Variants in ANKRD45 observed in about 807,000 individuals in gnomAD.
The protein encoded by ANKRD45 is ankyrin repeat domain 45, also known as ankyrin repeat domain-containing protein 45.
In ANKRD45, 21 loss-of-function variants were observed where a neutral mutation model predicts 28.1. That is an observed-to-expected ratio of 0.75 (90% confidence interval 0.53 to 1.08). ANKRD45 has a LOEUF of 1.08. ANKRD45 is among the 50% of genes least tolerant of loss of function. The pLI is 0.00. For synonymous variants in ANKRD45, 86 were observed against 103.9 expected (o/e 0.83, Z 1.05); for missense variants, 261 against 308.7 (o/e 0.85, Z 1.16).
intron 1 of ANKRD45, among the ~76,000 whole-genome samples, chr1:173,665,971 G>A (rs990351865): frequency 5.9e-5 from 9 of 152,140 alleles, no homozygotes; most frequent in South Asian, 2.1e-4. Flanking sequence ...CTATGATCAC[G>A]CCACTGCACT....
intron 3 of ANKRD45, 42 bp downstream of exon 3, chr1:173,646,804 A>C: frequency 6.3e-7 from 1 of 1,589,508 alleles, no homozygotes; most frequent in Non-Finnish European, 8.6e-7. Flanking sequence ...AGAAAAACTC[A>C]TCACATCAGT....
chr1:173,671,582 A>G (rs1180982502), upstream of ANKRD45, among the ~76,000 whole-genome samples: 1 of 151,676 alleles, frequency 6.6e-6, no homozygotes, highest in Admixed American at 6.6e-5. Context: ...ACCATATAAA[A>G]CCCTAAGGCC....
chr1:173,636,425 C>A (rs1007594428), intron 3 of ANKRD45, among the ~76,000 whole-genome samples: 1 of 152,140 alleles, frequency 6.6e-6, no homozygotes, highest in African/African-American at 2.4e-5. Context: ...CAAACAAAAC[C>A]TCATTGACCT....
At chr1:173,632,986 G>T (rs1295772073) in intron 3 of ANKRD45, among the ~76,000 whole-genome samples, 1 of 151,854 alleles carries the variant, frequency 6.6e-6, no homozygotes, top group Non-Finnish European at 1.5e-5. Flanking sequence ...TATAGTGTTG[G>T]AAGTCTTACC....
upstream of ANKRD45, among the ~76,000 whole-genome samples, chr1:173,674,029 T>G (rs1027988990): frequency 6.6e-6 from 1 of 151,988 alleles, no homozygotes; most frequent in Non-Finnish European, 1.5e-5. Flanking sequence ...TTTTTCTAGA[T>G]ATAGCATCTT....
chr1:173,636,433 C>G (rs749022565), intron 3 of ANKRD45, among the ~76,000 whole-genome samples: 2 of 152,124 alleles, frequency 1.3e-5, no homozygotes, highest in Non-Finnish European at 2.9e-5. Context: ...ACCTCATTGA[C>G]CTTCAGAAGA....
At chr1:173,611,733 G>C (rs916323069) in intron 5 of ANKRD45, among the ~76,000 whole-genome samples, 8 of 152,018 alleles carry the variant, frequency 5.3e-5, no homozygotes, top group African/African-American at 1.9e-4. Context: ...ATTGGCAATG[G>C]TTTCTTAGGT....
At chr1:173,631,579 C>T (rs6700712) in intron 3 of ANKRD45, among the ~76,000 whole-genome samples, 25,827 of 151,900 alleles carry the variant, frequency 0.17, 7,310 homozygotes, top group African/African-American at 0.59. Context: ...ACAGACCTTA[C>T]GTTAGGCCAC....
intron 3 of ANKRD45, among the ~76,000 whole-genome samples, chr1:173,633,745 A>G (rs913123971): frequency 5.1e-4 from 77 of 152,116 alleles, no homozygotes; most frequent in Middle Eastern, 3.4e-3. Flanking sequence ...GGGAAAGGAC[A>G]GTCTCTTCAA....
intron 1 of ANKRD45, among the ~76,000 whole-genome samples, chr1:173,660,212 T>C (rs1239061723): frequency 1.3e-5 from 2 of 152,098 alleles, no homozygotes; most frequent in Non-Finnish European, 2.9e-5. Flanking sequence ...TAACTAAGGA[T>C]GTCTTAATGG....
chr1:173,615,406 G>GC (rs1667421102), intron 5 of ANKRD45, among the ~76,000 whole-genome samples: 1 of 140,998 alleles, frequency 7.1e-6, no homozygotes, highest in South Asian at 2.2e-4. Flanking sequence ...AAAAAAAAAT[G>GC]CCCCCCAAGT....
At chr1:173,678,120 A>C in the ANKRD45 span, among the ~76,000 whole-genome samples, 6 of 152,198 alleles carry the variant, frequency 3.9e-5, no homozygotes, top group Non-Finnish European at 8.8e-5. Flanking sequence ...ACACAGATTC[A>C]CAGTCAAATA....
rs377434349 is a variant in ANKRD45, at chr1:173,640,797, G to T, written c.496+6049C>A. On this transcript the variant is annotated intron_variant, in intron 3 of 5. Coordinates refer to ENST00000333279, the MANE Select transcript of ANKRD45 (RefSeq NM_198493.3). ...ACCAATTGTCTGCTCCTACAGCCTG[G>T]CAACCTTGCAGTAGCTGGAACTATG... Among the ~76,000 whole-genome samples, 127 of 152,294 alleles carry T rather than the reference G, an allele frequency of 8.3e-4. 1 individual carries two copies. The highest frequency in any genetic ancestry group is 3.0e-3 in the African/African-American group (123 of 41,560).
intron 1 of ANKRD45, among the ~76,000 whole-genome samples, chr1:173,663,054 A>AACACACACACACACACACACAC (rs60072209): frequency 1.4e-5 from 2 of 140,348 alleles, no homozygotes; most frequent in African/African-American, 5.2e-5. Context: ...CCACCCTTCC[A>AACACACACACACACACACACAC]ACACACACAC....
the ANKRD45 span, among the ~76,000 whole-genome samples, chr1:173,687,163 T>C: frequency 6.6e-6 from 1 of 152,346 alleles, no homozygotes; most frequent in East Asian, 1.9e-4. Flanking sequence ...TCCACATTCT[T>C]ATGCATCCTT....
intron 2 of ANKRD45, among the ~76,000 whole-genome samples, chr1:173,647,609 AGATT>A (rs1232322460): frequency 2.0e-5 from 3 of 152,212 alleles, no homozygotes; most frequent in Non-Finnish European, 2.9e-5. Flanking sequence ...AATATTTTTC[AGATT>A]GATTTTTTAA....
chr1:173,683,186 T>G, the ANKRD45 span, among the ~76,000 whole-genome samples: 3 of 152,134 alleles, frequency 2.0e-5, no homozygotes, highest in African/African-American at 7.2e-5. Context: ...CTGAGCACTC[T>G]AATGGTAAGG....
chr1:173,634,982 G>A (rs1668361585), intron 3 of ANKRD45, among the ~76,000 whole-genome samples: 1 of 152,034 alleles, frequency 6.6e-6, no homozygotes, highest in African/African-American at 2.4e-5. Flanking sequence ...GCTGGGTTAT[G>A]TGAAGTGGTA....
chr1:173,701,914 AATAAT>A, the ANKRD45 span, among the ~76,000 whole-genome samples: 8 of 148,108 alleles, frequency 5.4e-5, no homozygotes, highest in Non-Finnish European at 8.8e-5. Context: ...AGCTCACAAT[AATAAT>A]ATAAGATAGA....
Sources: gnomAD v4.1 joint callset for allele counts (sites outside exome capture counted in the v4.1 genomes callset) on GRCh38, gnomAD v4.1.1 for gene constraint, MANE v1.5 for transcripts, NCBI Gene and HGNC (gene_info 2026-07-23, HGNC 2026-07-21) for gene names.